Variants in SPATS2 observed in about 807,000 individuals in gnomAD.
SPATS2 encodes the protein spermatogenesis associated serine rich 2.
Under a neutral mutation model 63.7 loss-of-function variants are expected in SPATS2, and 38 were observed. The observed-to-expected ratio is 0.60, with a 90% CI of 0.46 to 0.78. The LOEUF is 0.78. Ranked by LOEUF, SPATS2 falls within the 30% of genes least tolerant of loss-of-function variation. The pLI, the probability that SPATS2 is intolerant of heterozygous loss-of-function variation, is 0.00. For missense variants in SPATS2, 588 were observed against 666.2 expected, an observed-to-expected ratio of 0.88 and a Z score of 1.29; for synonymous variants, 207 against 232.9, an observed-to-expected ratio of 0.89 and a Z score of 1.01.
intron 2 of SPATS2, chr12:49,390,171 TTC>T: frequency 6.7e-7 from 1 of 1,496,720 alleles, no homozygotes; most frequent in Non-Finnish European, 9.1e-7. Context: ...GCTGAAGAGC[TTC>T]TGAGTCTGTG....
intron 2 of SPATS2, among the ~76,000 whole-genome samples, chr12:49,437,327 CG>C (rs1325809355): frequency 7.9e-5 from 12 of 151,206 alleles, no homozygotes; most frequent in South Asian, 2.1e-4. Context: ...CGGGCAGAGA[CG>C]CTCCTCACTT....
chr12:49,408,455 G>T (rs187841540), intron 2 of SPATS2, among the ~76,000 whole-genome samples: 1 of 151,074 alleles, frequency 6.6e-6, no homozygotes, highest in East Asian at 2.0e-4. Flanking sequence ...GTTTTGCCAT[G>T]TTGGCCAGGC....
At chr12:49,387,982 T>G (rs929484000) in intron 2 of SPATS2, among the ~76,000 whole-genome samples, 1 of 152,180 alleles carries the variant, frequency 6.6e-6, no homozygotes, top group African/African-American at 2.4e-5. Flanking sequence ...TCTTGCTATA[T>G]TATAGCCCAG....
At position 49,517,984 on chromosome 12, in the gene SPATS2, T is replaced by C. The variant is rs878891953; in HGVS notation, c.899-1089T>C. Among the ~76,000 whole-genome samples the C allele has an allele frequency of 2.6e-5, 4 of 152,294 alleles. No homozygotes were observed. In the South Asian group the frequency reaches 8.3e-4, roughly 32 times the overall value. On this transcript the variant is annotated intron_variant, in intron 10 of 13. Coordinates refer to ENST00000552918, the MANE Select transcript of SPATS2 (RefSeq NM_023071.4). Reference sequence around the variant, plus strand: ...CCCTCTTTTTTCCAAAATGAGAATATGTTCACCACCTCCTCAATAGCAATA... The same window carrying C: ...CCCTCTTTTTTCCAAAATGAGAATACGTTCACCACCTCCTCAATAGCAATA...
intron 2 of SPATS2, among the ~76,000 whole-genome samples, chr12:49,386,504 G>A (rs985895440): frequency 6.6e-6 from 1 of 152,154 alleles, no homozygotes; most frequent in Admixed American, 6.5e-5. Flanking sequence ...GGTCAGTATG[G>A]TTTATTTCCT....
chr12:49,479,166 C>T (rs1261416216), intron 3 of SPATS2, among the ~76,000 whole-genome samples: 1 of 152,180 alleles, frequency 6.6e-6, no homozygotes, highest in African/African-American at 2.4e-5. Flanking sequence ...GGAGAAAGTG[C>T]GTGCCAGTTG....
chr12:49,453,988 G>A (rs548529845), intron 2 of SPATS2, among the ~76,000 whole-genome samples: 83 of 144,752 alleles, frequency 5.7e-4, no homozygotes, highest in Middle Eastern at 3.8e-3. Context: ...TCAGCCTCCC[G>A]AGTAGCTGGG....
chr12:49,423,105 G>C (rs892557808), intron 2 of SPATS2, among the ~76,000 whole-genome samples: 1 of 150,892 alleles, frequency 6.6e-6, no homozygotes, highest in Non-Finnish European at 1.5e-5. Context: ...AACCCCTTTT[G>C]CTTTGCCTTG....
intron 8 of SPATS2, among the ~76,000 whole-genome samples, chr12:49,498,168 A>G (rs753611723): frequency 4.2e-4 from 61 of 145,614 alleles, no homozygotes; most frequent in Non-Finnish European, 8.1e-4. Flanking sequence ...ATATATATAT[A>G]TGCGCACAAG....
chr12:49,378,414 C>T (rs1396960726), intron 2 of SPATS2, among the ~76,000 whole-genome samples: 1 of 152,082 alleles, frequency 6.6e-6, no homozygotes, highest in Non-Finnish European at 1.5e-5. Flanking sequence ...TGTCCTGCCT[C>T]AGCCTCCTGA....
intron 3 of SPATS2, 108 bp from the exon 4 acceptor site, chr12:49,484,482 T>C (rs11835381): frequency 1.0e-6 from 1 of 976,992 alleles, no homozygotes; most frequent in Non-Finnish European, 1.5e-6. Context: ...AGCAACTAAG[T>C]TGCTGTTAAT....
intron 2 of SPATS2, among the ~76,000 whole-genome samples, chr12:49,451,943 T>C (rs1220657818): frequency 6.6e-6 from 1 of 152,254 alleles, no homozygotes; most frequent in Non-Finnish European, 1.5e-5. Flanking sequence ...GCCTTCTGGC[T>C]TCTTTTGCTT....
chr12:49,410,205 A>G (rs781716259), intron 2 of SPATS2, among the ~76,000 whole-genome samples: 1 of 151,886 alleles, frequency 6.6e-6, no homozygotes, highest in Non-Finnish European at 1.5e-5. Context: ...CCTCCTGAGT[A>G]GCTGGGATTA....
intron 2 of SPATS2, among the ~76,000 whole-genome samples, chr12:49,445,448 TG>T (rs1945493562): frequency 6.6e-6 from 1 of 152,138 alleles, no homozygotes; most frequent in South Asian, 2.1e-4. Context: ...CACTTGGTCA[TG>T]GTATTACAAT....
intron 12 of SPATS2, among the ~76,000 whole-genome samples, chr12:49,523,774 A>ACCCCC (rs367714169): frequency 1.1e-3 from 172 of 151,696 alleles, no homozygotes; most frequent in African/African-American, 3.8e-3. Flanking sequence ...ACATGGTGAA[A>ACCCCC]CCCCATCTCT....
intron 2 of SPATS2, among the ~76,000 whole-genome samples, chr12:49,445,048 A>G (rs1034226181): frequency 6.6e-6 from 1 of 152,220 alleles, no homozygotes; most frequent in African/African-American, 2.4e-5. Flanking sequence ...ATCTTTGAAT[A>G]AAAACATGTT....
chr12:49,424,282 C>T (rs1220938308), intron 2 of SPATS2, among the ~76,000 whole-genome samples: 1 of 152,250 alleles, frequency 6.6e-6, no homozygotes, highest in Non-Finnish European at 1.5e-5. Flanking sequence ...ACCTTTGTTC[C>T]TCAGCCCCAT....
At chr12:49,510,254 C>A (rs948538900) in intron 9 of SPATS2, among the ~76,000 whole-genome samples, 3 of 149,520 alleles carry the variant, frequency 2.0e-5, no homozygotes, top group Non-Finnish European at 4.4e-5. Flanking sequence ...CAGAGCAAGA[C>A]CCTGTCTTAA....
chr12:49,453,765 A>G (rs1183632252), intron 2 of SPATS2, among the ~76,000 whole-genome samples: 1 of 151,498 alleles, frequency 6.6e-6, no homozygotes, highest in Admixed American at 6.6e-5. Flanking sequence ...GTGAGCTATG[A>G]TCGTGCCACT....
Sources: allele counts gnomAD v4.1 joint callset (sites outside exome capture counted in the v4.1 genomes callset), GRCh38; gene constraint gnomAD v4.1.1; transcripts MANE v1.5; gene names NCBI Gene and HGNC (gene_info 2026-07-23, HGNC 2026-07-21).